TMEM120B: variants seen among roughly 807,000 people sequenced by gnomAD.
TMEM120B encodes the protein transmembrane protein 120B.
A neutral mutation model predicts 55.5 loss-of-function variants in TMEM120B; 31 were observed. The observed-to-expected ratio is 0.56, with a 90% confidence interval of 0.42 to 0.75. The LOEUF is 0.75. Among genes scored for constraint, TMEM120B ranks in the 30% least tolerant of loss-of-function variants. The pLI is 0.00. For synonymous variants in TMEM120B, 203 were observed against 176.3 expected (o/e 1.15, Z -1.20); for missense variants, 399 against 425.5 (o/e 0.94, Z 0.55).
At position 121,779,717 on chromosome 12, in the gene TMEM120B, A is replaced by G; in HGVS notation, c.*3995A>G. The G allele has an allele frequency of 1.3e-6, 2 of 1,595,496 alleles. No individual in the cohort carries two copies. The highest frequency in any genetic ancestry group is 2.2e-5 in the East Asian group (1 of 44,754). ...GAGGGGCCCCTGGAGGTCTCCTAGC[A>G]CCACCTGGTGGGTTTGGGACTGGCT... is the stretch of plus-strand genomic sequence containing the variant. On this transcript the variant is annotated 3_prime_UTR_variant, in exon 12 of 12. Transcript: ENST00000449592.
intron 8 of TMEM120B, among the ~76,000 whole-genome samples, chr12:121,772,061 TCCTTTC>T: frequency 6.6e-6 from 1 of 151,134 alleles, no homozygotes; most frequent in Admixed American, 6.6e-5. Context: ...TTCTTTTTCT[TCCTTTC>T]TTTTTCTTTC....
At chr12:121,719,082 T>C (rs756696552) in intron 1 of TMEM120B, among the ~76,000 whole-genome samples, 6 of 152,156 alleles carry the variant, frequency 3.9e-5, no homozygotes, top group Non-Finnish European at 8.8e-5. Flanking sequence ...GCTTGGGTCA[T>C]GTGACTATGC....
chr12:121,780,593 G>A lies in TMEM120B; in HGVS notation c.*4871G>A. ...CCTGGCTCCACTTCTCGCTAGCTGT[G>A]TGGCCCTGGGCAAGCTGCTTAACCT... On this transcript the variant is annotated 3_prime_UTR_variant, in exon 12 of 12. Transcript: ENST00000449592. 1.9e-6 allele frequency: 1 copy of A among 530,482 alleles called. No homozygotes were observed. The highest frequency in any genetic ancestry group is 3.0e-5 in the South Asian group (1 of 33,434). 32.9% of individuals were successfully genotyped at this position (530,482 alleles called of 1,614,324 possible). A position where few individuals can be genotyped will look rare whatever the true frequency, so the allele number is the denominator to read the frequency against.
At chr12:121,751,645 C>T (rs1429806111) in intron 4 of TMEM120B, among the ~76,000 whole-genome samples, 2 of 143,214 alleles carry the variant, frequency 1.4e-5, no homozygotes, top group South Asian at 2.3e-4. Flanking sequence ...CCCTTCCTTC[C>T]CTCCCTCCCC....
intron 6 of TMEM120B, among the ~76,000 whole-genome samples, chr12:121,766,213 G>T (rs1873843264): frequency 7.9e-5 from 12 of 152,082 alleles, no homozygotes; most frequent in Admixed American, 7.9e-4. Context: ...TAGGGGTGGG[G>T]ACTTCCTCAT....
chr12:121,757,978 A>C (rs904803769), intron 5 of TMEM120B, among the ~76,000 whole-genome samples: 4 of 152,124 alleles, frequency 2.6e-5, no homozygotes, highest in African/African-American at 9.7e-5. Context: ...AATTAGCCTG[A>C]TGTGGTATTG....
At chr12:121,734,918 A>C (rs930597683) in intron 1 of TMEM120B, among the ~76,000 whole-genome samples, 2 of 152,006 alleles carry the variant, frequency 1.3e-5, no homozygotes, top group African/African-American at 4.8e-5. Context: ...CATCTCAAAA[A>C]AAGAAAAAAA....
intron 1 of TMEM120B, among the ~76,000 whole-genome samples, chr12:121,732,262 T>C (rs1323162263): frequency 6.6e-6 from 1 of 152,202 alleles, no homozygotes; most frequent in African/African-American, 2.4e-5. Context: ...CAGAATGCCT[T>C]GCGGGTGGAG....
At chr12:121,763,442 G>A (rs904284706) in intron 6 of TMEM120B, among the ~76,000 whole-genome samples, 7 of 151,546 alleles carry the variant, frequency 4.6e-5, no homozygotes, top group African/African-American at 1.5e-4. Flanking sequence ...GATTACAGGC[G>A]TGAGCCACTG....
At chr12:121,729,688 A>C (rs1399329281) in intron 1 of TMEM120B, among the ~76,000 whole-genome samples, 1 of 151,344 alleles carries the variant, frequency 6.6e-6, no homozygotes, top group Non-Finnish European at 1.5e-5. Flanking sequence ...AGTTCTAGCT[A>C]CTCGGGAGGC....
chr12:121,749,114 A>G (rs779814492), intron 3 of TMEM120B, among the ~76,000 whole-genome samples: 1 of 152,166 alleles, frequency 6.6e-6, no homozygotes, highest in African/African-American at 2.4e-5. Flanking sequence ...AGAGCCGTGC[A>G]TTAGGAGGAG....
chr12:121,733,572 C>T (rs1009492528), intron 1 of TMEM120B, among the ~76,000 whole-genome samples: 1 of 143,408 alleles, frequency 7.0e-6, no homozygotes, highest in Non-Finnish European at 1.5e-5. Flanking sequence ...CAGAGTCTCA[C>T]TCTGTTGCCC....
chr12:121,752,969 G>A (rs1566518241), intron 5 of TMEM120B, among the ~76,000 whole-genome samples: 1 of 152,088 alleles, frequency 6.6e-6, no homozygotes, highest in African/African-American at 2.4e-5. Context: ...TTAGCTGGGT[G>A]CAGTGGCTCA....
intron 1 of TMEM120B, among the ~76,000 whole-genome samples, chr12:121,724,645 C>T (rs1894857287): frequency 6.9e-6 from 1 of 145,952 alleles, no homozygotes; most frequent in African/African-American, 2.5e-5. Flanking sequence ...GAGTCTCGCT[C>T]TGTCACCCAG....
At chr12:121,765,338 C>T (rs934932366) in intron 6 of TMEM120B, among the ~76,000 whole-genome samples, 3 of 152,086 alleles carry the variant, frequency 2.0e-5, no homozygotes, top group African/African-American at 7.2e-5. Flanking sequence ...CCGTGCTGGC[C>T]AGGCTGATCT....
At chr12:121,752,262 C>A (rs778045251) in intron 5 of TMEM120B, 39 bp downstream of exon 5, 44 of 1,571,716 alleles carry the variant, frequency 2.8e-5, no homozygotes, top group Admixed American at 1.7e-5. Flanking sequence ...CCTGGGCATG[C>A]AGACGTCAGG....
At chr12:121,748,799 G>C (rs1873183675) in intron 3 of TMEM120B, among the ~76,000 whole-genome samples, 1 of 152,178 alleles carries the variant, frequency 6.6e-6, no homozygotes, top group South Asian at 2.1e-4. Flanking sequence ...GATGTCACCT[G>C]GTTTATCCTC....
At chr12:121,774,800 C>T in intron 10 of TMEM120B, 78 bp downstream of exon 10, 2 of 1,503,682 alleles carry the variant, frequency 1.3e-6, no homozygotes, top group Non-Finnish European at 1.8e-6. Flanking sequence ...GCCTTGCCCT[C>T]CTTCTCCATC....
At chr12:121,742,871 G>A (rs914387916) in intron 1 of TMEM120B, among the ~76,000 whole-genome samples, 8 of 152,268 alleles carry the variant, frequency 5.3e-5, no homozygotes, top group South Asian at 4.1e-4. Flanking sequence ...CAGCGCGTCC[G>A]GCCAGCTTAT....
Sources: allele counts gnomAD v4.1 joint callset (sites outside exome capture counted in the v4.1 genomes callset), GRCh38; gene constraint gnomAD v4.1.1; transcripts MANE v1.5; gene names NCBI Gene and HGNC (gene_info 2026-07-23, HGNC 2026-07-21).